LARP4B: variants seen among roughly 807,000 people sequenced by gnomAD.
The protein encoded by LARP4B is La ribonucleoprotein 4B.
A neutral mutation model predicts 89.8 loss-of-function variants in LARP4B; 12 were observed. The ratio of observed to expected loss-of-function variants is 0.13; its 90% CI spans 0.09 to 0.22. LARP4B has a LOEUF of 0.22. LARP4B is among the 10% of genes least tolerant of loss of function. LARP4B has a pLI of 1.00. For missense variants in LARP4B, 757 were observed against 947.7 expected, an observed-to-expected ratio of 0.80 and a Z score of 2.64; for synonymous variants, 367 against 363.3, an observed-to-expected ratio of 1.01 and a Z score of -0.12.
intron 5 of LARP4B, among the ~76,000 whole-genome samples, chr10:846,223 T>G (rs1432020034): frequency 6.6e-6 from 1 of 152,234 alleles, no homozygotes; most frequent in East Asian, 1.9e-4. Flanking sequence ...CAGGCACTAC[T>G]GCAGGCTCTG....
rs577916649 is a variant in LARP4B, at chr10:851,328, C to T, written c.431-6273G>A. Among the ~76,000 whole-genome samples the T allele has an allele frequency of 1.4e-4, 22 of 152,070 alleles. No individual in the cohort carries two copies. The South Asian group carries it at 2.7e-3, about 19-fold the overall frequency. On this transcript the variant is annotated intron_variant, in intron 5 of 17. Coordinates refer to ENST00000316157, the MANE Select transcript of LARP4B (RefSeq NM_015155.3). ...CCTCCCGAGGAGCTGGGACCACAGG[C>T]GCCCGCCACCACAGGCGGCTAATTT...
At chr10:904,628 AAC>A (rs1836439513) in intron 1 of LARP4B, among the ~76,000 whole-genome samples, 3 of 152,292 alleles carry the variant, frequency 2.0e-5, no homozygotes, top group Admixed American at 1.3e-4. Flanking sequence ...AAATACATAA[AAC>A]ACAGTGTACA....
intron 5 of LARP4B, among the ~76,000 whole-genome samples, chr10:863,323 C>T (rs1003951030): frequency 6.6e-6 from 1 of 151,746 alleles, no homozygotes; most frequent in East Asian, 1.9e-4. Flanking sequence ...TCCAGGTTCA[C>T]GCCATTCTCC....
At chr10:868,989 T>C (rs1835052366) in intron 3 of LARP4B, among the ~76,000 whole-genome samples, 1 of 152,214 alleles carries the variant, frequency 6.6e-6, no homozygotes, top group Non-Finnish European at 1.5e-5. Context: ...AGAAAACTAA[T>C]TTCCTGTTGT....
At chr10:826,950 C>T (rs1364281413) in intron 11 of LARP4B, among the ~76,000 whole-genome samples, 1 of 152,198 alleles carries the variant, frequency 6.6e-6, no homozygotes, top group African/African-American at 2.4e-5. Context: ...TTGAGAAACT[C>T]TTCACTCTGT....
chr10:828,167 C>T, intron 11 of LARP4B, among the ~76,000 whole-genome samples: 1 of 152,220 alleles, frequency 6.6e-6, no homozygotes, highest in Non-Finnish European at 1.5e-5. Context: ...GCAGTTAGGC[C>T]TGGAAACTGC....
chr10:820,499 T>A lies in LARP4B; in HGVS notation c.1530+301A>T, dbSNP rs1012802756. 11 of 336,188 alleles carry A rather than the reference T, an allele frequency of 3.3e-5. No individual in the cohort carries two copies. In the Admixed American group the frequency reaches 4.0e-4, roughly 12 times the overall value. 20.8% of individuals were successfully genotyped at this position (336,188 alleles called of 1,614,324 possible). A position where few individuals can be genotyped will look rare whatever the true frequency, so the allele number is the denominator to read the frequency against. The stretch of plus-strand genomic sequence containing the variant: ...CAGCTGCCACACAGAAGAGCTCACG[T>A]GCACACCCGTGTGTAGGCTGCAGTG... On this transcript the variant is annotated intron_variant, in intron 14 of 17. Transcript: ENST00000316157.
intron 1 of LARP4B, among the ~76,000 whole-genome samples, chr10:913,842 G>A (rs1291174927): frequency 2.0e-5 from 3 of 152,154 alleles, no homozygotes; most frequent in African/African-American, 7.2e-5. Flanking sequence ...CCAGGAGGCT[G>A]ACGTTGCAGT....
chr10:959,935 G>A, the LARP4B span, among the ~76,000 whole-genome samples: 22 of 142,148 alleles, frequency 1.5e-4, no homozygotes, highest in East Asian at 3.8e-3. Flanking sequence ...CCACCTCCTC[G>A]TCAATCCCAC....
At chr10:903,966 T>G (rs1836414210) in intron 1 of LARP4B, among the ~76,000 whole-genome samples, 1 of 152,034 alleles carries the variant, frequency 6.6e-6, no homozygotes, top group East Asian at 1.9e-4. Flanking sequence ...ATAAATTGAT[T>G]TTGTTAAAAA....
At chr10:844,262 G>C (rs140926621) in intron 6 of LARP4B, among the ~76,000 whole-genome samples, 19 of 152,336 alleles carry the variant, frequency 1.2e-4, no homozygotes, top group Non-Finnish European at 2.5e-4. Flanking sequence ...TGGTGCCCCT[G>C]CACCTTTTGC....
chr10:879,480 AG>A (rs1280435752), intron 3 of LARP4B, among the ~76,000 whole-genome samples: 1 of 151,928 alleles, frequency 6.6e-6, no homozygotes, highest in Non-Finnish European at 1.5e-5. Context: ...AACATCCTTA[AG>A]GAAAGTTCTT....
At chr10:843,148 A>T in intron 6 of LARP4B, 80 bp from the exon 7 acceptor site, 2 of 1,256,566 alleles carry the variant, frequency 1.6e-6, no homozygotes, top group Non-Finnish European at 2.3e-6. Context: ...GTTTCACAAG[A>T]GGCGTGAGTG....
intron 3 of LARP4B, among the ~76,000 whole-genome samples, chr10:882,783 C>T (rs1324288684): frequency 1.3e-5 from 2 of 152,140 alleles, no homozygotes; most frequent in Admixed American, 1.3e-4. Flanking sequence ...CTGAATTATT[C>T]ATGTATTTCT....
intron 1 of LARP4B, among the ~76,000 whole-genome samples, chr10:907,667 C>T (rs969487100): frequency 1.3e-5 from 2 of 152,168 alleles, no homozygotes; most frequent in African/African-American, 4.8e-5. Context: ...CATTTCATGG[C>T]ATAGAATTCT....
intron 1 of LARP4B, among the ~76,000 whole-genome samples, chr10:887,904 A>G (rs895405142): frequency 6.6e-6 from 1 of 151,464 alleles, no homozygotes. Flanking sequence ...ATGCCTGTAT[A>G]ATCCCAGCTA....
At chr10:943,047 A>T in the LARP4B span, among the ~76,000 whole-genome samples, 1 of 151,262 alleles carries the variant, frequency 6.6e-6, no homozygotes, top group African/African-American at 2.4e-5. Flanking sequence ...CCTGGGTTCA[A>T]GAGATTCTCC....
intron 1 of LARP4B, among the ~76,000 whole-genome samples, chr10:900,772 A>G (rs1334633057): frequency 1.3e-5 from 2 of 150,704 alleles, no homozygotes; most frequent in Non-Finnish European, 3.0e-5. Flanking sequence ...GGTGCACGCC[A>G]CCACGCTTGG....
rs1040167347 is a variant in LARP4B, at chr10:877,992, G to C, written c.141+6455C>G. 1.1e-4 allele frequency among the ~76,000 whole-genome samples: 16 copies of C among 152,352 alleles called. No individual in the cohort carries two copies. The South Asian group carries it at 2.9e-3, about 28-fold the overall frequency. On this transcript the variant is annotated intron_variant, in intron 3 of 17. Transcript: ENST00000316157. ...CGGATAGATGGGGCTCGCTGAGAAG[G>C]TGAGGCCGAGACTGAGAAAGGTAAG...
Sources: allele counts gnomAD v4.1 joint callset (sites outside exome capture counted in the v4.1 genomes callset), GRCh38; gene constraint gnomAD v4.1.1; transcripts MANE v1.5; gene names NCBI Gene and HGNC (gene_info 2026-07-23, HGNC 2026-07-21).